The following TTBK2 variants were observed in gnomAD, a reference collection of about 807,000 sequenced individuals.
TTBK2 encodes tau tubulin kinase 2, also known as tau-tubulin kinase 2.
In TTBK2, 28 loss-of-function variants were observed where a neutral mutation model predicts 110.8. The observed-to-expected ratio is 0.25, with a 90% CI of 0.19 to 0.35. The LOEUF (loss-of-function observed/expected upper bound fraction) is 0.35, where lower values mean the gene tolerates loss of function less well. Ranked by LOEUF, TTBK2 falls within the 10% of genes least tolerant of loss-of-function variation. TTBK2 has a pLI of 1.00. For synonymous variants in TTBK2, 532 were observed against 527.3 expected, an observed-to-expected ratio of 1.01 and a Z score of -0.12; for missense variants, 1,369 against 1,500.3, an observed-to-expected ratio of 0.91 and a Z score of 1.45.
intron 3 of TTBK2, among the ~76,000 whole-genome samples, chr15:42,868,261 C>G (rs1294225148): frequency 7.9e-5 from 12 of 152,138 alleles, no homozygotes; most frequent in Admixed American, 7.9e-4. Flanking sequence ...TGAGGAGCAC[C>G]TATATACACA....
At chr15:42,848,530 G>A (rs1189601612) in intron 3 of TTBK2, among the ~76,000 whole-genome samples, 3 of 147,688 alleles carry the variant, frequency 2.0e-5, no homozygotes, top group Non-Finnish European at 4.5e-5. Context: ...CACTCTTGTT[G>A]CCCAGGCTGG....
chr15:42,802,309 A>G, intron 9 of TTBK2: 1 of 782,148 alleles, frequency 1.3e-6, no homozygotes. Context: ...CGAGGAGCTG[A>G]TGCAGGCACC....
intron 10 of TTBK2, 92 bp from the exon 11 acceptor site, chr15:42,783,727 C>A: frequency 2.0e-6 from 2 of 981,902 alleles, no homozygotes; most frequent in Non-Finnish European, 3.2e-6. Flanking sequence ...ATGAACTCCA[C>A]ACATAATTAA....
At chr15:42,913,248 A>G (rs1321268911) in intron 1 of TTBK2, among the ~76,000 whole-genome samples, 3 of 152,004 alleles carry the variant, frequency 2.0e-5, no homozygotes, top group Admixed American at 2.0e-4. Context: ...TTTATTCACC[A>G]CTCACACTTC....
At chr15:42,912,854 G>A (rs925254092) in intron 1 of TTBK2, among the ~76,000 whole-genome samples, 11 of 152,020 alleles carry the variant, frequency 7.2e-5, no homozygotes, top group African/African-American at 1.7e-4. Flanking sequence ...GGCCGGGCGC[G>A]GTGGCTCACG....
chr15:42,763,171 T>TATATATAC (rs1567008894), intron 13 of TTBK2, among the ~76,000 whole-genome samples: 3 of 16,368 alleles, frequency 1.8e-4, no homozygotes, highest in African/African-American at 5.6e-4. Flanking sequence ...TATATATATA[T>TATATATAC]ATATATATAT....
chr15:42,913,124 T>C (rs1596054292), intron 1 of TTBK2, among the ~76,000 whole-genome samples: 3 of 104,740 alleles, frequency 2.9e-5, no homozygotes, highest in African/African-American at 1.3e-4. Flanking sequence ...AGAGCGAGAC[T>C]CCGTCTCAAA....
chr15:42,830,871 G>A (rs752648087), intron 4 of TTBK2, among the ~76,000 whole-genome samples: 2 of 151,868 alleles, frequency 1.3e-5, no homozygotes, highest in Non-Finnish European at 2.9e-5. Flanking sequence ...CGGGTGTGGT[G>A]GTACGCGCCT....
Position 42,919,922 on chromosome 15 carries a change from A to C in TTBK2, c.-68+516T>G, listed in dbSNP as rs896557467. 8.8e-6 allele frequency: 5 copies of C among 569,142 alleles called. No homozygotes were observed. The African/African-American group carries it at 1.0e-4, about 12-fold the overall frequency. The allele number at this position is 569,142 out of a possible 1,614,324, so 35.3% of individuals were successfully genotyped here. On this transcript the variant is annotated intron_variant, in intron 1 of 14. Coordinates refer to ENST00000267890, the MANE Select transcript of TTBK2 (RefSeq NM_173500.4). ...GTCAACATCATCTCTGCCACAGCAA[A>C]TGACGAGCAAATCCCTCAGATCATT... is the stretch of plus-strand genomic sequence containing the variant.
Position 42,801,250 on chromosome 15 carries a change from C to T in TTBK2, c.823-6449G>A, listed in dbSNP as rs188439392. On this transcript the variant is annotated intron_variant, in intron 9 of 14. Transcript: ENST00000267890. ...CCCTCCAACAGCTTCCTGTAGGTGGCGATCTTGATATCCAGGGCCAGCTTG... is the reference window on the plus strand; with the variant it reads ...CCCTCCAACAGCTTCCTGTAGGTGGTGATCTTGATATCCAGGGCCAGCTTG... 16 of 1,541,690 alleles carry T rather than the reference C, an allele frequency of 1.0e-5. No individual in the cohort carries two copies. In the East Asian group the frequency reaches 2.9e-4, roughly 28 times the overall value.
chr15:42,901,874 G>A (rs1320184865), intron 1 of TTBK2, among the ~76,000 whole-genome samples: 2 of 152,050 alleles, frequency 1.3e-5, no homozygotes, highest in Non-Finnish European at 2.9e-5. Context: ...CAATAAACAT[G>A]AAAAGATAGC....
At chr15:42,772,754 C>G (rs1262305838) in intron 13 of TTBK2, among the ~76,000 whole-genome samples, 1 of 152,064 alleles carries the variant, frequency 6.6e-6, no homozygotes, top group Non-Finnish European at 1.5e-5. Flanking sequence ...TGAGCCCAGT[C>G]TGGGCAATAC....
At chr15:42,760,960 A>T (rs2062016885) in intron 13 of TTBK2, among the ~76,000 whole-genome samples, 1 of 152,282 alleles carries the variant, frequency 6.6e-6, no homozygotes, top group Non-Finnish European at 1.5e-5. Flanking sequence ...TAACCAAAAC[A>T]GCATGGTACT....
intron 4 of TTBK2, among the ~76,000 whole-genome samples, chr15:42,835,336 C>T (rs942628170): frequency 5.3e-5 from 8 of 152,130 alleles, no homozygotes; most frequent in African/African-American, 1.9e-4. Flanking sequence ...TACAACCCAC[C>T]TCTGAAGTAT....
At chr15:42,851,681 T>C (rs1408981167) in intron 3 of TTBK2, among the ~76,000 whole-genome samples, 1 of 152,056 alleles carries the variant, frequency 6.6e-6, no homozygotes, top group East Asian at 1.9e-4. Flanking sequence ...TGATTTTCTA[T>C]ATGTGTGCGT....
At chr15:42,853,732 A>G (rs1480319927) in intron 3 of TTBK2, among the ~76,000 whole-genome samples, 3 of 152,130 alleles carry the variant, frequency 2.0e-5, no homozygotes, top group Admixed American at 6.5e-5. Flanking sequence ...TGGAGCGAAC[A>G]CACATAAGAA....
At chr15:42,819,831 C>T (rs991522645) in intron 6 of TTBK2, among the ~76,000 whole-genome samples, 2 of 152,172 alleles carry the variant, frequency 1.3e-5, no homozygotes, top group Admixed American at 6.5e-5. Context: ...TTATTCATTA[C>T]CTGACATGAC....
At chr15:42,785,789 C>T (rs1890387866) in intron 10 of TTBK2, among the ~76,000 whole-genome samples, 2 of 151,092 alleles carry the variant, frequency 1.3e-5, no homozygotes, top group African/African-American at 2.4e-5. Context: ...ATACTTAGCA[C>T]ACAATGAAAC....
intron 3 of TTBK2, among the ~76,000 whole-genome samples, chr15:42,851,143 GA>G (rs1007947314): frequency 6.6e-6 from 1 of 151,842 alleles, no homozygotes. Context: ...AGCTACTTGG[GA>G]GGCTGAGGCA....
Sources: allele counts gnomAD v4.1 joint callset (sites outside exome capture counted in the v4.1 genomes callset), GRCh38; gene constraint gnomAD v4.1.1; transcripts MANE v1.5; gene names NCBI Gene and HGNC (gene_info 2026-07-23, HGNC 2026-07-21).